PPP2R5C: variants seen among roughly 807,000 people sequenced by gnomAD.
PPP2R5C encodes serine/threonine-protein phosphatase 2A 56 kDa regulatory subunit gamma isoform.
A neutral mutation model predicts 68.9 loss-of-function variants in PPP2R5C; 7 were observed. The observed-to-expected ratio is 0.10, with a 90% CI of 0.06 to 0.19. The LOEUF (loss-of-function observed/expected upper bound fraction) is 0.19, where lower values mean the gene tolerates loss of function less well. Among genes scored for constraint, PPP2R5C ranks in the 10% least tolerant of loss-of-function variants. The pLI is 1.00. For synonymous variants in PPP2R5C, 210 were observed against 222.2 expected, an observed-to-expected ratio of 0.95 and a Z score of 0.49; for missense variants, 348 against 641.3, an observed-to-expected ratio of 0.54 and a Z score of 4.94.
At position 101,823,824 on chromosome 14, in the gene PPP2R5C, G is replaced by A. The variant is rs1423193982; in HGVS notation, c.94+13788G>A. On this transcript the variant is annotated intron_variant, in intron 1 of 13. Transcript: ENST00000334743. ...CTTTATCACAGGGATCTATCTACAC[G>A]GTACTTTCTGCTCTCAGCTTTTTAC... is the stretch of plus-strand genomic sequence containing the variant. 12 of 1,187,186 alleles carry A rather than the reference G, an allele frequency of 1.0e-5. No homozygotes were observed. The South Asian group carries it at 1.4e-4, about 14-fold the overall frequency. 73.5% of individuals were successfully genotyped at this position (1,187,186 alleles called of 1,614,324 possible).
chr14:101,813,311 G>C (rs1032144979), intron 1 of PPP2R5C, among the ~76,000 whole-genome samples: 3 of 152,216 alleles, frequency 2.0e-5, no homozygotes, highest in African/African-American at 7.2e-5. Context: ...GGCTTTGTGG[G>C]TGAAAGCAGC....
rs149354475 is a variant in PPP2R5C at position 101,774,018 on chromosome 14, G to A, written c.93+11048G>A. Among the ~76,000 whole-genome samples, 318 of 152,316 alleles carry A rather than the reference G, an allele frequency of 2.1e-3. 2 individuals carry two copies. Among genetic ancestry groups the A allele is most frequent in the Middle Eastern group, 0.014 (4 of 294 alleles). Reference sequence around the variant, plus strand: ...TTGGGCTTTGAGTTTTTATTCTGAGGGTCATGGGAAGCCACTGGGGTGTTT... The same window carrying A: ...TTGGGCTTTGAGTTTTTATTCTGAGAGTCATGGGAAGCCACTGGGGTGTTT... On this transcript the variant is annotated intron_variant, in intron 2 of 14. Transcript: ENST00000328724.
At chr14:101,789,487 G>T (rs952608354) in intron 3 of PPP2R5C, among the ~76,000 whole-genome samples, 1 of 152,184 alleles carries the variant, frequency 6.6e-6, no homozygotes, top group Admixed American at 6.5e-5. Context: ...TCTTTAAGAT[G>T]TTACTATTAT....
chr14:101,803,272 G>C (rs951326152), intron 3 of PPP2R5C: 1 of 152,348 alleles, frequency 6.6e-6, no homozygotes, highest in Admixed American at 6.5e-5. Flanking sequence ...ATGATACAGA[G>C]ATTAGCACAG....
chr14:101,768,667 C>T (rs933995487), intron 2 of PPP2R5C, among the ~76,000 whole-genome samples: 4 of 152,068 alleles, frequency 2.6e-5, no homozygotes, highest in African/African-American at 4.8e-5. Flanking sequence ...CATAATGACG[C>T]TTTAAAGGGC....
intron 9 of PPP2R5C, among the ~76,000 whole-genome samples, chr14:101,905,223 G>A (rs1037302106): frequency 6.6e-6 from 1 of 152,150 alleles, no homozygotes; most frequent in Admixed American, 6.5e-5. Flanking sequence ...GTGCGATGGC[G>A]CATGCCTATA....
At chr14:101,850,549 A>G (rs998819782) in intron 1 of PPP2R5C, among the ~76,000 whole-genome samples, 1 of 152,222 alleles carries the variant, frequency 6.6e-6, no homozygotes. Flanking sequence ...CAAATTCTTA[A>G]GTTCTCCCCA....
chr14:101,859,408 T>A (rs1479610373), intron 2 of PPP2R5C, among the ~76,000 whole-genome samples: 3 of 152,236 alleles, frequency 2.0e-5, no homozygotes, highest in Non-Finnish European at 4.4e-5. Flanking sequence ...CCTGTGAAGA[T>A]GGGCACACAT....
chr14:101,884,603 G>A (rs1295765918), intron 5 of PPP2R5C, among the ~76,000 whole-genome samples: 2 of 152,240 alleles, frequency 1.3e-5, no homozygotes, highest in Non-Finnish European at 2.9e-5. Flanking sequence ...GCAGCCGGTG[G>A]AGGAGGACAG....
intron 2 of PPP2R5C, among the ~76,000 whole-genome samples, chr14:101,771,863 C>A (rs1207912245): frequency 6.6e-6 from 1 of 152,142 alleles, no homozygotes; most frequent in Non-Finnish European, 1.5e-5. Flanking sequence ...GGGGTTAGAC[C>A]TGCCCTGGCC....
At chr14:101,828,533 CAAAT>C in intron 1 of PPP2R5C, among the ~76,000 whole-genome samples, 1 of 152,148 alleles carries the variant, frequency 6.6e-6, no homozygotes, top group East Asian at 1.9e-4. Flanking sequence ...TACACACACA[CAAAT>C]ACATATACAC....
upstream of PPP2R5C, among the ~76,000 whole-genome samples, chr14:101,805,635 C>T (rs150120911): frequency 2.2e-4 from 33 of 152,282 alleles, no homozygotes; most frequent in African/African-American, 7.2e-4. Flanking sequence ...TCACAAGTGA[C>T]AAAAGGTGGA....
In PPP2R5C at chr14:101,883,141, A is replaced by G. The variant is rs187385564; in HGVS notation, c.406-116A>G. 2.7e-5 allele frequency: 18 copies of G among 668,718 alleles called. No homozygotes were observed. The Middle Eastern group carries it at 1.7e-3, about 63-fold the overall frequency. The allele number at this position is 668,718 out of a possible 1,614,324, so 41.4% of individuals were successfully genotyped here. A position where few individuals can be genotyped will look rare whatever the true frequency, so the allele number is the denominator to read the frequency against. On this transcript the variant is annotated intron_variant, in intron 3 of 13. Transcript: ENST00000334743. ...GTAATTTAGCATTAATTCTGTAGATATGTGGCTTTGAGAGGCTAATATTTG... is the reference window on the plus strand; with the variant it reads ...GTAATTTAGCATTAATTCTGTAGATGTGTGGCTTTGAGAGGCTAATATTTG...
chr14:101,851,414 T>C lies in PPP2R5C; in HGVS notation c.95-5272T>C, dbSNP rs188539848. On this transcript the variant is annotated intron_variant, in intron 1 of 13. Transcript: ENST00000334743. ...CCACTGTACTCCAGCCTGGGCAACA[T>C]AGTGAGACCCTGTCTCTAGTTAAAA... Among the ~76,000 whole-genome samples, 500 of 152,220 alleles carry C rather than the reference T, an allele frequency of 3.3e-3. 11 individuals carry two copies. The South Asian group carries it at 0.049, about 15-fold the overall frequency.
exon 1 of PPP2R5C, chr14:101,761,891 G>A (rs1875386049): frequency 1.7e-6 from 2 of 1,167,524 alleles, no homozygotes; most frequent in South Asian, 4.1e-5. Context: ...GCCCGCTCCA[G>A]CCATGCCGAA....
At chr14:101,761,077 A>AGGGGAGGGGAGGGAAGGG (rs1566813444), upstream of PPP2R5C, among the ~76,000 whole-genome samples, 14 of 47,716 alleles carry the variant, frequency 2.9e-4, no homozygotes, top group African/African-American at 1.2e-3. Context: ...GAGAGGAGGG[A>AGGGGAGGGGAGGGAAGGG]AGGGGAGGGG....
At chr14:101,896,169 G>A (rs1182015091) in intron 8 of PPP2R5C, among the ~76,000 whole-genome samples, 1 of 151,954 alleles carries the variant, frequency 6.6e-6, no homozygotes, top group Non-Finnish European at 1.5e-5. Flanking sequence ...ACAGGTGCCT[G>A]CCACCATGCC....
Position 101,870,161 on chromosome 14 carries a change from C to CT in PPP2R5C, c.295-11991dup, listed in dbSNP as rs543510916. Among the ~76,000 whole-genome samples, 142 of 138,618 alleles carry CT rather than the reference C, an allele frequency of 1.0e-3. 1 individual carries two copies. Among genetic ancestry groups the CT allele is most frequent in the African/African-American group, 3.2e-3 (116 of 36,718 alleles). The allele number at this position is 138,618 out of a possible 152,430, so 90.9% of individuals were successfully genotyped here. A position where few individuals can be genotyped will look rare whatever the true frequency, so the allele number is the denominator to read the frequency against. ...TATTTTCTCTCAGTCTGTAGCTTGT[C>CT]TTTTTTTTTGTTCTTAAGTGTCTTG... is the stretch of plus-strand genomic sequence containing the variant. On this transcript the variant is annotated intron_variant, in intron 2 of 13. Transcript: ENST00000334743.
chr14:101,798,158 A>T (rs1206535706), intron 3 of PPP2R5C, among the ~76,000 whole-genome samples: 1 of 152,156 alleles, frequency 6.6e-6, no homozygotes, highest in Non-Finnish European at 1.5e-5. Flanking sequence ...CAGTTTAAAA[A>T]AAAAAAAAAG....
Sources: allele counts gnomAD v4.1 joint callset (sites outside exome capture counted in the v4.1 genomes callset), GRCh38; gene constraint gnomAD v4.1.1; transcripts MANE v1.5; gene names NCBI Gene and HGNC (gene_info 2026-07-23, HGNC 2026-07-21).